The following NCOA1 variants were observed in gnomAD, a reference collection of about 807,000 sequenced individuals.
NCOA1 encodes the protein nuclear receptor coactivator 1.
NCOA1 carries 35 observed loss-of-function variants against 150.9 expected under a neutral mutation model. The observed-to-expected ratio is 0.23, with a 90% CI of 0.18 to 0.31. The LOEUF is 0.31. Ranked by LOEUF, NCOA1 falls within the 10% of genes least tolerant of loss-of-function variation. The pLI is 1.00. For missense variants in NCOA1, 1,491 were observed against 1,749.3 expected, an observed-to-expected ratio of 0.85 and a Z score of 2.63; for synonymous variants, 590 against 630.0, an observed-to-expected ratio of 0.94 and a Z score of 0.95.
intron 1 of NCOA1, among the ~76,000 whole-genome samples, chr2:24,520,775 TTATAAG>T (rs556491559): frequency 2.0e-5 from 3 of 152,230 alleles, no homozygotes; most frequent in Non-Finnish European, 2.9e-5. Flanking sequence ...CTCAAAGCTG[TTATAAG>T]TATAACAAAA....
chr2:24,509,781 G>T (rs1663854617), intron 1 of NCOA1, among the ~76,000 whole-genome samples: 1 of 152,158 alleles, frequency 6.6e-6, no homozygotes, highest in African/African-American at 2.4e-5. Context: ...TATAGTCACA[G>T]TTCAGATTCT....
intron 1 of NCOA1, among the ~76,000 whole-genome samples, chr2:24,517,004 GCACACACACA>G (rs72422469): frequency 1.2e-5 from 1 of 83,932 alleles, no homozygotes; most frequent in Non-Finnish European, 2.5e-5. Flanking sequence ...ACACACGCGC[GCACACACACA>G]CACACACACA....
At chr2:24,547,196 A>G (rs1558783384) in intron 1 of NCOA1, among the ~76,000 whole-genome samples, 1 of 152,194 alleles carries the variant, frequency 6.6e-6, no homozygotes, top group Non-Finnish European at 1.5e-5. Flanking sequence ...TTTATCTTGT[A>G]TTTTAACATG....
At chr2:24,555,218 C>T (rs1052767364) in intron 1 of NCOA1, among the ~76,000 whole-genome samples, 1 of 151,938 alleles carries the variant, frequency 6.6e-6, no homozygotes, top group Non-Finnish European at 1.5e-5. Flanking sequence ...TTTGTTTAAC[C>T]CATGGAGTAT....
intron 2 of NCOA1, among the ~76,000 whole-genome samples, chr2:24,580,552 C>T (rs1005867706): frequency 1.3e-5 from 2 of 152,134 alleles, no homozygotes; most frequent in Non-Finnish European, 2.9e-5. Context: ...ACTGTTGCAT[C>T]CATCCATTAC....
intron 4 of NCOA1, among the ~76,000 whole-genome samples, chr2:24,655,763 G>A (rs1670911414): frequency 6.6e-6 from 1 of 152,122 alleles, no homozygotes; most frequent in Admixed American, 6.6e-5. Context: ...TGGTAAAGGA[G>A]AATATGAAGA....
intron 7 of NCOA1, among the ~76,000 whole-genome samples, chr2:24,675,352 A>G (rs1457096662): frequency 6.6e-6 from 1 of 152,236 alleles, no homozygotes; most frequent in Non-Finnish European, 1.5e-5. Context: ...GGAGGCTAGA[A>G]ACCAAAAGCT....
chr2:24,727,844 A>G (rs1041524539), intron 15 of NCOA1, among the ~76,000 whole-genome samples: 1 of 152,282 alleles, frequency 6.6e-6, no homozygotes, highest in South Asian at 2.1e-4. Context: ...AAATGATTTG[A>G]TCATCTTTAA....
At chr2:24,602,398 A>C (rs1445605514) in intron 3 of NCOA1, among the ~76,000 whole-genome samples, 1 of 152,048 alleles carries the variant, frequency 6.6e-6, no homozygotes, top group Non-Finnish European at 1.5e-5. Flanking sequence ...ATGGGGTCTC[A>C]CCATGTTGCC....
chr2:24,646,786 A>G (rs1670495603), intron 4 of NCOA1, among the ~76,000 whole-genome samples: 1 of 151,736 alleles, frequency 6.6e-6, no homozygotes, highest in East Asian at 1.9e-4. Context: ...TGTTGGAACA[A>G]AGGAAATCTA....
At chr2:24,645,755 G>A (rs1158401412) in intron 4 of NCOA1, among the ~76,000 whole-genome samples, 2 of 152,114 alleles carry the variant, frequency 1.3e-5, no homozygotes, top group Admixed American at 6.5e-5. Flanking sequence ...TCATCAGATT[G>A]TGGAGCATAT....
chr2:24,512,019 C>T (rs115630721), intron 1 of NCOA1, among the ~76,000 whole-genome samples: 2,767 of 152,198 alleles, frequency 0.018, 92 homozygotes, highest in African/African-American at 0.062. Context: ...TCTGCCACTT[C>T]ATTTGTTTCA....
At chr2:24,497,182 A>G (rs1406306591) in intron 1 of NCOA1, among the ~76,000 whole-genome samples, 1 of 152,152 alleles carries the variant, frequency 6.6e-6, no homozygotes, top group African/African-American at 2.4e-5. Context: ...GTTCAAGCCT[A>G]CTGAGTGGAA....
intron 21 of NCOA1, among the ~76,000 whole-genome samples, chr2:24,760,024 T>C (rs1021657403): frequency 1.3e-5 from 2 of 151,784 alleles, no homozygotes; most frequent in African/African-American, 4.8e-5. Context: ...ATAAAAGCTT[T>C]TTTATATTTA....
At chr2:24,539,738 T>C (rs926455880) in intron 1 of NCOA1, among the ~76,000 whole-genome samples, 3 of 152,066 alleles carry the variant, frequency 2.0e-5, no homozygotes, top group Admixed American at 2.0e-4. Context: ...TCTCCATAAA[T>C]CAAAAACTGT....
chr2:24,560,954 C>A (rs1019696331), intron 1 of NCOA1, among the ~76,000 whole-genome samples: 2 of 152,068 alleles, frequency 1.3e-5, no homozygotes, highest in African/African-American at 4.8e-5. Flanking sequence ...AGAAATAAGA[C>A]TTAAATTCAT....
chr2:24,691,464 C>G lies in NCOA1; in HGVS notation c.533-17C>G. Reference sequence around the variant, plus strand: ...TTCACCATATTCGCAAGCACATAATCAATTTTTCTTCCTCAGTAAATGGAG... The same window carrying G: ...TTCACCATATTCGCAAGCACATAATGAATTTTTCTTCCTCAGTAAATGGAG... On this transcript the variant is annotated splice_polypyrimidine_tract_variant and intron_variant, in intron 8 of 22. Transcript: ENST00000348332. 1 of 1,610,522 alleles carries G rather than the reference C, an allele frequency of 6.2e-7. No homozygotes were observed. The highest frequency in any genetic ancestry group is 8.5e-7 in the Non-Finnish European group (1 of 1,178,154).
At chr2:24,524,045 A>G (rs1235273954) in intron 1 of NCOA1, among the ~76,000 whole-genome samples, 1 of 151,892 alleles carries the variant, frequency 6.6e-6, no homozygotes, top group East Asian at 1.9e-4. Flanking sequence ...GATTTTAGGC[A>G]GAGCTTGAAC....
intron 14 of NCOA1, among the ~76,000 whole-genome samples, chr2:24,718,268 C>G (rs919112775): frequency 2.0e-5 from 3 of 152,060 alleles, no homozygotes; most frequent in African/African-American, 7.2e-5. Context: ...CACTGCATAC[C>G]CATTAGAATG....
Sources: gnomAD v4.1 joint callset for allele counts (sites outside exome capture counted in the v4.1 genomes callset) on GRCh38, gnomAD v4.1.1 for gene constraint, MANE v1.5 for transcripts, NCBI Gene and HGNC (gene_info 2026-07-23, HGNC 2026-07-21) for gene names.